Variants in PLA2G5 observed in about 807,000 individuals in gnomAD.
The protein encoded by PLA2G5 is phospholipase A2 group V.
In PLA2G5, 12 loss-of-function variants were observed where a neutral mutation model predicts 15.9. The observed-to-expected ratio is 0.76, with a 90% CI of 0.48 to 1.23. PLA2G5 has a LOEUF of 1.23. Among genes scored for constraint, PLA2G5 ranks in the 50% most tolerant of loss-of-function variants. The pLI, the probability that PLA2G5 is intolerant of heterozygous loss-of-function variation, is 0.00. For synonymous variants in PLA2G5, 71 were observed against 71.4 expected, an observed-to-expected ratio of 0.99 and a Z score of 0.03; for missense variants, 169 against 177.1, an observed-to-expected ratio of 0.95 and a Z score of 0.26.
intron 1 of PLA2G5, among the ~76,000 whole-genome samples, chr1:20,078,124 G>C (rs1042233296): frequency 6.6e-6 from 1 of 150,782 alleles, no homozygotes; most frequent in Admixed American, 6.6e-5. Context: ...CAGAGGGAGA[G>C]AGAGTTTCGA....
intron 2 of PLA2G5, among the ~76,000 whole-genome samples, chr1:20,085,197 T>C (rs1569829776): frequency 6.6e-6 from 1 of 152,152 alleles, no homozygotes; most frequent in East Asian, 1.9e-4. Context: ...AAATAAGATT[T>C]ACAAAATCCC....
chr1:20,045,790 C>A (rs557171636), intron 1 of PLA2G5, among the ~76,000 whole-genome samples: 1 of 152,240 alleles, frequency 6.6e-6, no homozygotes, highest in East Asian at 1.9e-4. Context: ...AAATGTCATG[C>A]GTGTCCATGT....
chr1:20,089,728 T>G, intron 3 of PLA2G5, 61 bp from the exon 4 acceptor site: 1 of 1,364,996 alleles, frequency 7.3e-7, no homozygotes, highest in Non-Finnish European at 1.0e-6. Context: ...TTTGCTCCTA[T>G]TAGGGATGGG....
chr1:20,030,060 A>G (rs974555393), intron 1 of PLA2G5, among the ~76,000 whole-genome samples: 2 of 152,196 alleles, frequency 1.3e-5, no homozygotes, highest in East Asian at 1.9e-4. Context: ...ACTTGTGGCT[A>G]TTTCTCGTCA....
chr1:20,085,279 C>T (rs1230627729), intron 2 of PLA2G5, among the ~76,000 whole-genome samples: 5 of 152,192 alleles, frequency 3.3e-5, no homozygotes, highest in Non-Finnish European at 7.3e-5. Flanking sequence ...TCATTCTCAG[C>T]TCAGGCTTGT....
chr1:20,048,199 A>G (rs2014013614), intron 1 of PLA2G5, among the ~76,000 whole-genome samples: 1 of 152,198 alleles, frequency 6.6e-6, no homozygotes, highest in Admixed American at 6.5e-5. Context: ...AGAAAAGAGT[A>G]GTCAAATGCT....
At chr1:20,068,828 G>A, upstream of PLA2G5, 1 of 542,590 alleles carries the variant, frequency 1.8e-6, no homozygotes, top group Non-Finnish European at 3.0e-6. Context: ...AACATATATA[G>A]CAAACACTTG....
chr1:20,052,173 CAAAA>C (rs34853506), intron 1 of PLA2G5, among the ~76,000 whole-genome samples: 7,285 of 102,348 alleles, frequency 0.071, 281 homozygotes, highest in East Asian at 0.26. Context: ...GACTCCATCT[CAAAA>C]AAAAAAAAAA....
At chr1:20,046,421 G>A (rs1283491152) in intron 1 of PLA2G5, among the ~76,000 whole-genome samples, 1 of 152,158 alleles carries the variant, frequency 6.6e-6, no homozygotes, top group Non-Finnish European at 1.5e-5. Flanking sequence ...CCAAAACCAT[G>A]TGCTTGGTTT....
At chr1:20,076,420 C>CA (rs2015683624) in intron 1 of PLA2G5, among the ~76,000 whole-genome samples, 1 of 152,200 alleles carries the variant, frequency 6.6e-6, no homozygotes, top group African/African-American at 2.4e-5. Flanking sequence ...CCACGTGACA[C>CA]TCTGGTTAGA....
At chr1:20,087,837 G>A (rs962904235) in intron 3 of PLA2G5, among the ~76,000 whole-genome samples, 2 of 152,172 alleles carry the variant, frequency 1.3e-5, no homozygotes, top group Admixed American at 6.6e-5. Flanking sequence ...TGATGGGGAT[G>A]TGACAAGTGG....
At chr1:20,089,168 G>A (rs1252460823) in intron 3 of PLA2G5, among the ~76,000 whole-genome samples, 2 of 148,690 alleles carry the variant, frequency 1.3e-5, no homozygotes, top group African/African-American at 5.2e-5. Context: ...TGCTATGGAA[G>A]TTGTTGTTGT....
upstream of PLA2G5, among the ~76,000 whole-genome samples, chr1:20,068,286 A>T (rs115724928): frequency 8.7e-4 from 133 of 152,290 alleles, 1 homozygote; most frequent in African/African-American, 3.2e-3. Context: ...GAATTAAAGG[A>T]TTAAAGCCCT....
At chr1:20,081,282 C>A (rs1466809727) in intron 1 of PLA2G5, among the ~76,000 whole-genome samples, 1 of 151,924 alleles carries the variant, frequency 6.6e-6, no homozygotes, top group Non-Finnish European at 1.5e-5. Context: ...TGGCTCTCCA[C>A]TCTTCGGGGC....
chr1:20,086,558 C>T (rs1348552079), intron 3 of PLA2G5, among the ~76,000 whole-genome samples: 1 of 152,190 alleles, frequency 6.6e-6, no homozygotes, highest in African/African-American at 2.4e-5. Flanking sequence ...ATCCACCTTC[C>T]AGATGGCTCA....
chr1:20,038,909 C>T (rs1049845522), intron 1 of PLA2G5, among the ~76,000 whole-genome samples: 5 of 152,328 alleles, frequency 3.3e-5, no homozygotes, highest in Admixed American at 6.5e-5. Flanking sequence ...TCCTCCTATT[C>T]TCATTTTCCC....
chr1:20,078,765 G>A (rs2015837129), intron 1 of PLA2G5, among the ~76,000 whole-genome samples: 1 of 152,180 alleles, frequency 6.6e-6, no homozygotes, highest in South Asian at 2.1e-4. Context: ...CATGACAAGA[G>A]AGAGGGAGAG....
intron 1 of PLA2G5, among the ~76,000 whole-genome samples, chr1:20,078,103 C>T (rs1428246775): frequency 6.6e-6 from 1 of 152,074 alleles, no homozygotes; most frequent in Non-Finnish European, 1.5e-5. Flanking sequence ...ACAGTGCAGC[C>T]TTGTGAAGCC....
At chr1:20,074,236 G>C (rs946823071) in intron 1 of PLA2G5, among the ~76,000 whole-genome samples, 5 of 152,180 alleles carry the variant, frequency 3.3e-5, no homozygotes, top group Non-Finnish European at 7.3e-5. Context: ...CAGAATGTCA[G>C]AGCCTGCGGG....
Sources: gnomAD v4.1 joint callset for allele counts (sites outside exome capture counted in the v4.1 genomes callset) on GRCh38, gnomAD v4.1.1 for gene constraint, MANE v1.5 for transcripts, NCBI Gene and HGNC (gene_info 2026-07-23, HGNC 2026-07-21) for gene names.